SAMD4A: variants seen among roughly 807,000 people sequenced by gnomAD.
SAMD4A encodes the protein protein Smaug homolog 1.
In SAMD4A, 33 loss-of-function variants were observed where a neutral mutation model predicts 81.3. That is an observed-to-expected ratio of 0.41 (90% CI 0.31 to 0.54). SAMD4A has a LOEUF of 0.54. Among genes scored for constraint, SAMD4A ranks in the 20% least tolerant of loss-of-function variants. The pLI is 0.37. For synonymous variants in SAMD4A, 389 were observed against 382.1 expected (o/e 1.02, Z -0.21); for missense variants, 854 against 951.1 (o/e 0.90, Z 1.34).
chr14:54,674,910 A>T (rs2359359), intron 2 of SAMD4A, among the ~76,000 whole-genome samples: 3 of 152,030 alleles, frequency 2.0e-5, no homozygotes, highest in African/African-American at 4.8e-5. Context: ...CATGATGCCC[A>T]GCGAATTTTG....
At chr14:54,762,616 A>C (rs1383888348) in intron 7 of SAMD4A, among the ~76,000 whole-genome samples, 1 of 152,138 alleles carries the variant, frequency 6.6e-6, no homozygotes, top group Non-Finnish European at 1.5e-5. Flanking sequence ...ACATCGCCCT[A>C]CTTCCTGAGA....
intron 6 of SAMD4A, chr14:54,754,802 T>A (rs1594899763): frequency 1.0e-6 from 1 of 987,272 alleles, no homozygotes; most frequent in South Asian, 4.7e-5. Flanking sequence ...GTGGTGGCTG[T>A]CTGAGTTCTG....
rs549969437 is a variant in SAMD4A, at chr14:54,657,800, G to T, written c.197-44262G>T. Among the ~76,000 whole-genome samples, 89 of 152,324 alleles carry T rather than the reference G, an allele frequency of 5.8e-4. 1 individual carries two copies. The highest frequency in any genetic ancestry group is 2.1e-3 in the African/African-American group (86 of 41,574). On this transcript the variant is annotated intron_variant, in intron 2 of 12. Transcript: ENST00000554335. ...ACCCTTCCACTAATCCTCTGGAGGTGAGACTGTCCTATTTGGGGTCTACTT... is the reference window on the plus strand; with the variant it reads ...ACCCTTCCACTAATCCTCTGGAGGTTAGACTGTCCTATTTGGGGTCTACTT...
At chr14:54,753,809 G>A (rs2038172250) in intron 6 of SAMD4A, among the ~76,000 whole-genome samples, 2 of 152,194 alleles carry the variant, frequency 1.3e-5, no homozygotes, top group Non-Finnish European at 2.9e-5. Flanking sequence ...TTACAAGTGA[G>A]CTATCCAGTT....
intron 2 of SAMD4A, among the ~76,000 whole-genome samples, chr14:54,656,261 A>G (rs2035518781): frequency 6.6e-6 from 1 of 152,034 alleles, no homozygotes; most frequent in Non-Finnish European, 1.5e-5. Flanking sequence ...CACTCTGTCT[A>G]GATTGTTCTT....
intron 2 of SAMD4A, among the ~76,000 whole-genome samples, chr14:54,665,817 A>G (rs1190197711): frequency 1.3e-5 from 2 of 152,228 alleles, no homozygotes; most frequent in African/African-American, 4.8e-5. Flanking sequence ...CCCAGAACAG[A>G]TAAGATAACT....
At chr14:54,645,977 A>G (rs976146382) in intron 2 of SAMD4A, among the ~76,000 whole-genome samples, 1 of 152,248 alleles carries the variant, frequency 6.6e-6, no homozygotes, top group Non-Finnish European at 1.5e-5. Flanking sequence ...TTCCTAAACT[A>G]ACTGCAATAC....
intron 2 of SAMD4A, among the ~76,000 whole-genome samples, chr14:54,641,702 T>C (rs1039840725): frequency 5.9e-5 from 9 of 152,228 alleles, no homozygotes; most frequent in Non-Finnish European, 2.9e-5. Context: ...CCAAGTCCAG[T>C]ATAGTTTTTT....
At chr14:54,746,291 G>A in intron 4 of SAMD4A, among the ~76,000 whole-genome samples, 1 of 152,172 alleles carries the variant, frequency 6.6e-6, no homozygotes, top group Non-Finnish European at 1.5e-5. Context: ...CACTGAGATA[G>A]GACAATGCTT....
chr14:54,783,418 G>C (rs572119349), intron 11 of SAMD4A, among the ~76,000 whole-genome samples: 3 of 152,330 alleles, frequency 2.0e-5, no homozygotes, highest in African/African-American at 7.2e-5. Context: ...CAGGTGAGAG[G>C]AGGTGGCTCC....
At chr14:54,719,256 C>T (rs982601878) in intron 3 of SAMD4A, among the ~76,000 whole-genome samples, 1 of 152,032 alleles carries the variant, frequency 6.6e-6, no homozygotes, top group African/African-American at 2.4e-5. Flanking sequence ...ATTGTGTAGA[C>T]CCCACTGCCA....
intron 2 of SAMD4A, among the ~76,000 whole-genome samples, chr14:54,687,041 G>T (rs373639367): frequency 6.6e-6 from 1 of 152,082 alleles, no homozygotes; most frequent in East Asian, 1.9e-4. Flanking sequence ...TGTGATAGGG[G>T]TTATACATCT....
At chr14:54,688,948 T>TTTTTTTTTG (rs2036355905) in intron 2 of SAMD4A, among the ~76,000 whole-genome samples, 1 of 147,950 alleles carries the variant, frequency 6.8e-6, no homozygotes, top group Non-Finnish European at 1.5e-5. Flanking sequence ...TTTTTTTTTT[T>TTTTTTTTTG]GAGGCGGAGT....
intron 2 of SAMD4A, among the ~76,000 whole-genome samples, chr14:54,671,644 C>T (rs1476890099): frequency 6.6e-6 from 1 of 152,178 alleles, no homozygotes; most frequent in Non-Finnish European, 1.5e-5. Context: ...TTGGACTTTA[C>T]TGAACACGTG....
chr14:54,693,127 A>G (rs887521767), intron 2 of SAMD4A: 5 of 151,546 alleles, frequency 3.3e-5, no homozygotes, highest in Admixed American at 1.3e-4. Flanking sequence ...AATATTGAAA[A>G]GGGGGGGGTA....
chr14:54,765,518 G>C lies in SAMD4A; in HGVS notation c.1596+978G>C, dbSNP rs78252218. ...CACACCTGTAATCCCAGCTACTCGG[G>C]AGGCCAAGGTGGGAGGATGGATGGC... On this transcript the variant is annotated intron_variant, in intron 8 of 12. Transcript: ENST00000554335. Among the ~76,000 whole-genome samples the C allele has an allele frequency of 3.5e-3, 525 of 151,994 alleles. 4 individuals carry two copies. The highest frequency in any genetic ancestry group is 0.012 in the African/African-American group (502 of 41,436).
At chr14:54,727,820 G>A (rs557339419) in intron 3 of SAMD4A, among the ~76,000 whole-genome samples, 10 of 152,016 alleles carry the variant, frequency 6.6e-5, no homozygotes, top group African/African-American at 9.6e-5. Context: ...ACACGCACGC[G>A]CACACACACA....
In SAMD4A at chr14:54,573,541, G is replaced by C. The variant is rs151329956; in HGVS notation, c.196+5429G>C. Among the ~76,000 whole-genome samples, 128 of 152,270 alleles carry C rather than the reference G, an allele frequency of 8.4e-4. 3 individuals carry two copies. In the South Asian group the frequency reaches 0.021, roughly 25 times the overall value. On this transcript the variant is annotated intron_variant, in intron 2 of 12. Coordinates refer to ENST00000554335, the MANE Select transcript of SAMD4A (RefSeq NM_015589.6). ...TTCATCTGTGGGTGAAGTGCTTTGT[G>C]TAACTCATTTGCTAGGAAAGGTATG...
chr14:54,731,403 G>T (rs2037555322), intron 3 of SAMD4A, among the ~76,000 whole-genome samples: 1 of 152,166 alleles, frequency 6.6e-6, no homozygotes, highest in Non-Finnish European at 1.5e-5. Flanking sequence ...GTAAAATTCT[G>T]CCCTGCTTTG....
Sources: gnomAD v4.1 joint callset for allele counts (sites outside exome capture counted in the v4.1 genomes callset) on GRCh38, gnomAD v4.1.1 for gene constraint, MANE v1.5 for transcripts, NCBI Gene and HGNC (gene_info 2026-07-23, HGNC 2026-07-21) for gene names.